Variants in COL22A1 observed in about 807,000 individuals in gnomAD.
COL22A1 encodes collagen alpha-1(XXII) chain.
COL22A1 carries 221 observed loss-of-function variants against 248.9 expected under a neutral mutation model. The observed-to-expected ratio is 0.89, with a 90% confidence interval of 0.80 to 0.99. The LOEUF (loss-of-function observed/expected upper bound fraction) is 0.99. COL22A1 is among the 50% of genes least tolerant of loss of function. The pLI, the probability that COL22A1 is intolerant of heterozygous loss-of-function variation, is 0.00. For missense variants in COL22A1, 2,240 were observed against 2,179.0 expected (o/e 1.03, Z -0.56); for synonymous variants, 891 against 793.4 (o/e 1.12, Z -2.07).
At chr8:138,740,399 G>A (rs1831459959) in intron 22 of COL22A1, among the ~76,000 whole-genome samples, 1 of 152,184 alleles carries the variant, frequency 6.6e-6, no homozygotes, top group Non-Finnish European at 1.5e-5. Context: ...GTCGGGGGAT[G>A]AAGCATCAGT....
intron 39 of COL22A1, among the ~76,000 whole-genome samples, chr8:138,684,064 C>T (rs1289420817): frequency 6.6e-6 from 1 of 151,970 alleles, no homozygotes; most frequent in African/African-American, 2.4e-5. Context: ...TCAAGACCAG[C>T]CTGGCCAACA....
chr8:138,623,438 G>C (rs539431300), intron 52 of COL22A1, among the ~76,000 whole-genome samples: 1 of 151,852 alleles, frequency 6.6e-6, no homozygotes, highest in Non-Finnish European at 1.5e-5. Flanking sequence ...GAGGCTACAG[G>C]GGGCAGTAAA....
Position 138,623,131 on chromosome 8 carries a change from C to T in COL22A1, c.3771+601G>A, listed in dbSNP as rs1587698566. 2.6e-5 allele frequency among the ~76,000 whole-genome samples: 4 copies of T among 151,746 alleles called. 1 individual carries two copies. In the East Asian group the frequency reaches 5.8e-4, roughly 22 times the overall value. On this transcript the variant is annotated intron_variant, in intron 52 of 64. Coordinates refer to ENST00000303045, the MANE Select transcript of COL22A1 (RefSeq NM_152888.3). Reference sequence around the variant, plus strand: ...GACCACCAAGACATTCTCACTAGCACTTGATCCATCTCATTGTGTGCCCCT... The same window carrying T: ...GACCACCAAGACATTCTCACTAGCATTTGATCCATCTCATTGTGTGCCCCT...
intron 4 of COL22A1, among the ~76,000 whole-genome samples, chr8:138,841,176 C>A (rs983663023): frequency 6.6e-6 from 1 of 152,158 alleles, no homozygotes; most frequent in African/African-American, 2.4e-5. Flanking sequence ...TTCACTAATT[C>A]ATTCATATAT....
At position 138,755,149 on chromosome 8, in the gene COL22A1, C is replaced by A. The variant is rs764594513; in HGVS notation, c.2031+8G>T. 2 of 1,614,078 alleles carry A rather than the reference C, an allele frequency of 1.2e-6. No homozygotes were observed. The highest frequency in any genetic ancestry group is 2.2e-5 in the South Asian group (2 of 91,070). The stretch of plus-strand genomic sequence containing the variant: ...GAGCAAACCCTGCGCAGGAGAGGGA[C>A]AACTTACCCGAGCTCCTGGAGGACC... On this transcript the variant is annotated splice_region_variant and intron_variant, in intron 21 of 64. Transcript: ENST00000303045.
Position 138,824,367 on chromosome 8 carries a change from C to T in COL22A1, c.969+2291G>A, listed in dbSNP as rs139549807. Among the ~76,000 whole-genome samples, 178 of 152,296 alleles carry T rather than the reference C, an allele frequency of 1.2e-3. 1 individual carries two copies. The highest frequency in any genetic ancestry group is 4.1e-3 in the Admixed American group (63 of 15,304). ...TCTATGTCAGCTCCATCAGCAAATC[C>T]TACTGGTTCTATTTTCAAAATTAAT... On this transcript the variant is annotated intron_variant, in intron 6 of 64. Transcript: ENST00000303045.
chr8:138,789,337 C>T (rs1360258063), intron 12 of COL22A1, among the ~76,000 whole-genome samples: 1 of 152,182 alleles, frequency 6.6e-6, no homozygotes, highest in Non-Finnish European at 1.5e-5. Flanking sequence ...TCCCCTTAAA[C>T]CCTTTAATTA....
chr8:138,691,609 A>G (rs1440198514), intron 35 of COL22A1, among the ~76,000 whole-genome samples: 70 of 4,212 alleles, frequency 0.017, no homozygotes, highest in East Asian at 0.032. Flanking sequence ...GTGTGCATGC[A>G]TGTGTGCACG....
At chr8:138,864,041 C>T (rs1217924807) in intron 3 of COL22A1, among the ~76,000 whole-genome samples, 1 of 152,170 alleles carries the variant, frequency 6.6e-6, no homozygotes, top group African/African-American at 2.4e-5. Flanking sequence ...CACAGAAGAG[C>T]TTAGGGCCTT....
intron 1 of COL22A1, among the ~76,000 whole-genome samples, chr8:138,897,812 C>A (rs74971452): frequency 1.3e-5 from 2 of 149,292 alleles, no homozygotes; most frequent in African/African-American, 4.9e-5. Flanking sequence ...AAAAAAAAAA[C>A]GGCTGAACTA....
chr8:138,706,145 T>C (rs1196124941), intron 30 of COL22A1, among the ~76,000 whole-genome samples: 1 of 152,124 alleles, frequency 6.6e-6, no homozygotes, highest in Non-Finnish European at 1.5e-5. Context: ...AGCAAGTCCT[T>C]AGAGACCTAC....
At chr8:138,913,335 C>G (rs1317975) in intron 1 of COL22A1, among the ~76,000 whole-genome samples, 146,645 of 152,270 alleles carry the variant, frequency 0.96, 70,663 homozygotes, top group East Asian at 1. Flanking sequence ...CTGAGCTCCT[C>G]GCTGCTCAGC....
At chr8:138,802,833 C>A (rs1166295626) in intron 11 of COL22A1, 39 bp downstream of exon 11, 1 of 1,561,288 alleles carries the variant, frequency 6.4e-7, no homozygotes, top group Non-Finnish European at 8.8e-7. Flanking sequence ...CACGCCCGCC[C>A]TGAGGTTCAG....
intron 1 of COL22A1, among the ~76,000 whole-genome samples, chr8:138,893,785 C>T (rs2132121720): frequency 6.6e-6 from 1 of 152,366 alleles, no homozygotes; most frequent in South Asian, 2.1e-4. Context: ...TTTCATTACA[C>T]TTTGTCCAAG....
At chr8:138,795,036 T>C (rs1334771411) in intron 12 of COL22A1, among the ~76,000 whole-genome samples, 1 of 152,070 alleles carries the variant, frequency 6.6e-6, no homozygotes, top group African/African-American at 2.4e-5. Context: ...TAAAAGTTTG[T>C]TAGGAGGGTG....
intron 9 of COL22A1, among the ~76,000 whole-genome samples, chr8:138,809,209 G>A (rs1440171478): frequency 3.3e-5 from 5 of 152,142 alleles, no homozygotes; most frequent in Non-Finnish European, 7.4e-5. Flanking sequence ...CTGTGCTTGG[G>A]AAGTTCTCTA....
chr8:138,892,736 G>C (rs527501288), intron 1 of COL22A1, among the ~76,000 whole-genome samples: 18 of 152,350 alleles, frequency 1.2e-4, no homozygotes, highest in African/African-American at 1.7e-4. Context: ...CCCAGAGGAG[G>C]GGGGAGGAAG....
At chr8:138,592,945 T>C (rs1422646049) in intron 63 of COL22A1, among the ~76,000 whole-genome samples, 1 of 152,168 alleles carries the variant, frequency 6.6e-6, no homozygotes, top group Non-Finnish European at 1.5e-5. Context: ...CTATTTACAA[T>C]AGCAAAGACT....
chr8:138,803,021 T>C, intron 10 of COL22A1, 87 bp from the exon 11 acceptor site: 3 of 1,011,552 alleles, frequency 3.0e-6, no homozygotes, highest in Non-Finnish European at 4.7e-6. Flanking sequence ...CCAACCTTGC[T>C]CCAATTCCCT....
Sources: allele counts gnomAD v4.1 joint callset (sites outside exome capture counted in the v4.1 genomes callset), GRCh38; gene constraint gnomAD v4.1.1; transcripts MANE v1.5; gene names NCBI Gene and HGNC (gene_info 2026-07-23, HGNC 2026-07-21).